PLCB4: variants seen among roughly 807,000 people sequenced by gnomAD.
The protein encoded by PLCB4 is 1-phosphatidylinositol 4,5-bisphosphate phosphodiesterase beta-4.
A neutral mutation model predicts 178.8 loss-of-function variants in PLCB4; 77 were observed. The ratio of observed to expected loss-of-function variants is 0.43; its 90% CI spans 0.36 to 0.52. The LOEUF is 0.52. PLCB4 is among the 20% of genes least tolerant of loss of function. The pLI is 0.00. For synonymous variants in PLCB4, 496 were observed against 490.8 expected (o/e 1.01, Z -0.14); for missense variants, 1,024 against 1,453.4 (o/e 0.70, Z 4.80).
intron 4 of PLCB4, among the ~76,000 whole-genome samples, chr20:9,310,599 C>T (rs1001758152): frequency 2.6e-5 from 4 of 151,964 alleles, no homozygotes; most frequent in Non-Finnish European, 5.9e-5. Context: ...ATAGTCCCAG[C>T]TACTTGGGAG....
At chr20:9,117,347 C>T (rs1417404077) in intron 2 of PLCB4, among the ~76,000 whole-genome samples, 1 of 152,096 alleles carries the variant, frequency 6.6e-6, no homozygotes, top group Non-Finnish European at 1.5e-5. Flanking sequence ...ATATGTGTTG[C>T]CAAATTGCTT....
At chr20:9,268,098 C>T (rs907056270) in intron 3 of PLCB4, among the ~76,000 whole-genome samples, 3 of 152,184 alleles carry the variant, frequency 2.0e-5, no homozygotes, top group African/African-American at 4.8e-5. Context: ...TTTATAAACC[C>T]AGTTTCAGGT....
chr20:9,435,860 T>G (rs1256316232), intron 29 of PLCB4, among the ~76,000 whole-genome samples: 1 of 152,238 alleles, frequency 6.6e-6, no homozygotes, highest in African/African-American at 2.4e-5. Context: ...TCATCATCAG[T>G]GGCTTAACTC....
intron 2 of PLCB4, among the ~76,000 whole-genome samples, chr20:9,106,290 G>A (rs1230644532): frequency 6.6e-6 from 1 of 151,126 alleles, no homozygotes; most frequent in African/African-American, 2.4e-5. Context: ...AAAAGTCATG[G>A]CAAAAACCGC....
intron 4 of PLCB4, among the ~76,000 whole-genome samples, chr20:9,325,480 C>T (rs2030345079): frequency 6.6e-6 from 1 of 152,078 alleles, no homozygotes; most frequent in Admixed American, 6.5e-5. Flanking sequence ...ATTTCTTCAC[C>T]TCTTTTCTGG....
In PLCB4 at chr20:9,457,610, C is replaced by G. The variant is rs770939603; in HGVS notation, c.3072+121C>G. On this transcript the variant is annotated intron_variant, in intron 34 of 39. Coordinates refer to ENST00000378473, the MANE Select transcript of PLCB4 (RefSeq NM_001377142.1). ...CCAGAGCTGGTCTAGTAGCCTGCAGCTGATCTGGGATGTCAGGGGAGCCCA... is the reference window on the plus strand; with the variant it reads ...CCAGAGCTGGTCTAGTAGCCTGCAGGTGATCTGGGATGTCAGGGGAGCCCA... 27 of 661,278 alleles carry G rather than the reference C, an allele frequency of 4.1e-5. 2 individuals are homozygous for G. The South Asian group carries it at 4.8e-4, about 12-fold the overall frequency. 41.0% of individuals were successfully genotyped at this position (661,278 alleles called of 1,614,324 possible).
At chr20:9,167,096 A>G (rs2092985802) in intron 2 of PLCB4, among the ~76,000 whole-genome samples, 1 of 152,058 alleles carries the variant, frequency 6.6e-6, no homozygotes, top group Non-Finnish European at 1.5e-5. Flanking sequence ...TCCATAAGAC[A>G]TGTATAGGTA....
chr20:9,391,361 G>C (rs2038127681), intron 17 of PLCB4, among the ~76,000 whole-genome samples: 1 of 152,046 alleles, frequency 6.6e-6, no homozygotes, highest in African/African-American at 2.4e-5. Flanking sequence ...ACAATCACAA[G>C]ATGTTATGAG....
chr20:9,142,345 C>T (rs1477273070), intron 2 of PLCB4, among the ~76,000 whole-genome samples: 2 of 151,978 alleles, frequency 1.3e-5, no homozygotes, highest in Admixed American at 1.3e-4. Context: ...TCCATGATCA[C>T]CAGTACAAAG....
intron 12 of PLCB4, among the ~76,000 whole-genome samples, chr20:9,376,716 CTTTG>C (rs1235746899): frequency 6.6e-6 from 1 of 152,038 alleles, no homozygotes; most frequent in African/African-American, 2.4e-5. Context: ...TACCTTCATT[CTTTG>C]TTTGACTTCT....
intron 3 of PLCB4, among the ~76,000 whole-genome samples, chr20:9,277,856 A>G (rs981655992): frequency 6.6e-6 from 1 of 152,014 alleles, no homozygotes; most frequent in African/African-American, 2.4e-5. Flanking sequence ...AAACAATAAA[A>G]TGAAACTGTT....
In PLCB4 at chr20:9,473,368, A is replaced by G; in HGVS notation, c.3495+3A>G. 1 of 1,557,200 alleles carries G rather than the reference A, an allele frequency of 6.4e-7. No individual in the cohort carries two copies. Among genetic ancestry groups the G allele is most frequent in the Non-Finnish European group, 8.8e-7 (1 of 1,135,188 alleles). ...TCCTAGAGAAACAGAATGAGCAGGT[A>G]TTTTACCTAAAATACGTAAAAACAT... On this transcript the variant is annotated splice_donor_region_variant and intron_variant, in intron 38 of 39. Coordinates refer to ENST00000378473, the MANE Select transcript of PLCB4 (RefSeq NM_001377142.1).
intron 3 of PLCB4, among the ~76,000 whole-genome samples, chr20:9,259,521 AAG>A (rs1460353303): frequency 2.6e-5 from 4 of 152,148 alleles, no homozygotes; most frequent in African/African-American, 9.6e-5. Flanking sequence ...TGAATTAAGA[AAG>A]AGAGGTTTAA....
intron 33 of PLCB4, among the ~76,000 whole-genome samples, chr20:9,453,845 G>C (rs567032258): frequency 1.1e-4 from 17 of 152,146 alleles, no homozygotes; most frequent in Non-Finnish European, 2.1e-4. Flanking sequence ...AAATACTACA[G>C]AGTTCCCTTA....
intron 2 of PLCB4, among the ~76,000 whole-genome samples, chr20:9,204,543 A>G (rs898797526): frequency 2.6e-5 from 4 of 151,686 alleles, no homozygotes; most frequent in Admixed American, 1.3e-4. Flanking sequence ...TTGTATTTTT[A>G]GTAGAGACGG....
At chr20:9,405,878 A>G (rs2039398745) in intron 21 of PLCB4, among the ~76,000 whole-genome samples, 1 of 152,252 alleles carries the variant, frequency 6.6e-6, no homozygotes, top group East Asian at 1.9e-4. Context: ...AGCCACAGGC[A>G]GAAGTTTGCC....
chr20:9,072,644 C>T (rs531620256), intron 1 of PLCB4, among the ~76,000 whole-genome samples: 2 of 152,124 alleles, frequency 1.3e-5, no homozygotes, highest in South Asian at 2.1e-4. Context: ...TTTGCAGCAA[C>T]CACTCCCAAA....
intron 3 of PLCB4, among the ~76,000 whole-genome samples, chr20:9,256,780 T>C (rs1388681513): frequency 6.6e-6 from 1 of 152,272 alleles, no homozygotes; most frequent in Non-Finnish European, 1.5e-5. Context: ...GTAAATGTTG[T>C]ATAATGTGCA....
At chr20:9,416,642 A>G (rs954888971) in intron 25 of PLCB4, among the ~76,000 whole-genome samples, 1 of 152,036 alleles carries the variant, frequency 6.6e-6, no homozygotes, top group South Asian at 2.1e-4. Flanking sequence ...CTAGTTGCCA[A>G]CTCTAGCCAC....
Sources: gnomAD v4.1 joint callset for allele counts (sites outside exome capture counted in the v4.1 genomes callset) on GRCh38, gnomAD v4.1.1 for gene constraint, MANE v1.5 for transcripts, NCBI Gene and HGNC (gene_info 2026-07-23, HGNC 2026-07-21) for gene names.